SKI: variants seen among roughly 807,000 people sequenced by gnomAD.
The protein encoded by SKI is SKI proto-oncogene.
SKI carries 23 observed loss-of-function variants against 59.3 expected under a neutral mutation model. That is an observed-to-expected ratio of 0.39 (90% CI 0.28 to 0.55). The LOEUF is 0.55. SKI is among the 20% of genes least tolerant of loss of function. The probability of loss-of-function intolerance (pLI) is 0.67; values close to 1 mark genes in which losing one functional copy is unlikely to be tolerated. For synonymous variants in SKI, 673 were observed against 488.6 expected, an observed-to-expected ratio of 1.38 and a Z score of -4.98; for missense variants, 1,017 against 1,038.9, an observed-to-expected ratio of 0.98 and a Z score of 0.29.
At chr1:2,236,355 T>C (rs541142379) in intron 1 of SKI, among the ~76,000 whole-genome samples, 60 of 152,328 alleles carry the variant, frequency 3.9e-4, no homozygotes, top group Middle Eastern at 3.4e-3. Flanking sequence ...CAAGGTTTAT[T>C]GGCAGGTCCA....
At position 2,308,158 on chromosome 1, in the gene SKI, A is replaced by G. The variant is rs1487220517; in HGVS notation, c.*1393A>G. 1 of 152,254 alleles carries G rather than the reference A, an allele frequency of 6.6e-6. No homozygotes were observed. The highest frequency in any genetic ancestry group is 2.4e-5 in the African/African-American group (1 of 41,464). The allele number at this position is 152,254 out of a possible 1,614,324, so 9.4% of individuals were successfully genotyped here. ...TCCTACAGTTACGGTATTTATTTAC[A>G]TAAGAAGATCTTACAGGAGTTCTTT... On this transcript the variant is annotated 3_prime_UTR_variant, in exon 7 of 7. Transcript: ENST00000378536.
chr1:2,243,215 G>A (rs1638918067), intron 1 of SKI, among the ~76,000 whole-genome samples: 1 of 152,258 alleles, frequency 6.6e-6, no homozygotes, highest in South Asian at 2.1e-4. Context: ...TTTTGGTATC[G>A]CAAGAGATGC....
chr1:2,293,210 C>T (rs1014421132), intron 1 of SKI, among the ~76,000 whole-genome samples: 2 of 152,196 alleles, frequency 1.3e-5, no homozygotes, highest in African/African-American at 4.8e-5. Flanking sequence ...CTGGCCACCA[C>T]AGGGCTTTTG....
chr1:2,262,495 G>GT (rs1639410070), intron 1 of SKI, among the ~76,000 whole-genome samples: 1 of 150,036 alleles, frequency 6.7e-6, no homozygotes, highest in Admixed American at 6.6e-5. Flanking sequence ...TGGAGTCAGA[G>GT]TTTGGGTGGG....
At chr1:2,232,963 G>A (rs1484753465) in intron 1 of SKI, among the ~76,000 whole-genome samples, 3 of 151,876 alleles carry the variant, frequency 2.0e-5, no homozygotes, top group Admixed American at 1.3e-4. Context: ...CTCCTTCCTC[G>A]GGTTCTCTGA....
rs775800782 is a variant in SKI at position 2,304,373 on chromosome 1, C to T, written c.1555C>T (p.Arg519Cys). The T allele has an allele frequency of 2.3e-5, 36 of 1,551,886 alleles. No homozygotes were observed. In the South Asian group the frequency reaches 3.0e-4, roughly 13 times the overall value. ...CAAGGACCTGGGCTCCCCGGGTGCG[C>T]GTGCCCTGCCCTCGGCCGTCCCTGA... ...SAKDLGSPGA[R>C]ALPSAVPDAA... Residue 519 changes from arginine (R) to cysteine (C), a missense_variant, in exon 5 of 7, where the codon CGT becomes TGT. Coordinates refer to ENST00000378536, the MANE Select transcript of SKI (RefSeq NM_003036.4).
chr1:2,287,268 A>T (rs911714785), intron 1 of SKI, among the ~76,000 whole-genome samples: 1 of 151,834 alleles, frequency 6.6e-6, no homozygotes, highest in Non-Finnish European at 1.5e-5. Context: ...GTTTCTTTAG[A>T]TTTTAAAGAT....
At chr1:2,273,872 T>C (rs116737062) in intron 1 of SKI, among the ~76,000 whole-genome samples, 1,932 of 152,014 alleles carry the variant, frequency 0.013, 47 homozygotes, top group African/African-American at 0.045. Context: ...TGCTCTTGGG[T>C]GGTTGTGGTG....
At chr1:2,286,888 T>C (rs1248752539) in intron 1 of SKI, among the ~76,000 whole-genome samples, 2 of 152,268 alleles carry the variant, frequency 1.3e-5, no homozygotes, top group African/African-American at 2.4e-5. Context: ...TCATGCATGC[T>C]CTGTGGTCAC....
intron 1 of SKI, among the ~76,000 whole-genome samples, chr1:2,291,800 T>G (rs1366346491): frequency 6.7e-6 from 1 of 149,834 alleles, no homozygotes; most frequent in East Asian, 1.9e-4. Context: ...AAGATTTGGC[T>G]TTTTGTCATC....
intron 1 of SKI, among the ~76,000 whole-genome samples, chr1:2,251,243 C>T (rs1433936608): frequency 6.6e-6 from 1 of 152,172 alleles, no homozygotes; most frequent in Non-Finnish European, 1.5e-5. Flanking sequence ...CCAAGTTGAC[C>T]TTCTGTTGGC....
chr1:2,276,637 A>G (rs527927414), intron 1 of SKI, among the ~76,000 whole-genome samples: 2 of 152,352 alleles, frequency 1.3e-5, no homozygotes, highest in Admixed American at 6.5e-5. Context: ...GGCAGGGCTC[A>G]CTGTGTGGGG....
Position 2,309,963 on chromosome 1 carries a change from C to T in SKI, c.*3198C>T, listed in dbSNP as rs1216731655. ...TTTTTTTTTTCAATTAAGGAAAAAGCTCCATCTCTACCTTTAACATCACCC... is the reference window on the plus strand; with the variant it reads ...TTTTTTTTTTCAATTAAGGAAAAAGTTCCATCTCTACCTTTAACATCACCC... On this transcript the variant is annotated 3_prime_UTR_variant, in exon 7 of 7. Transcript: ENST00000378536. 1 of 138,950 alleles carries T rather than the reference C, an allele frequency of 7.2e-6. No individual in the cohort carries two copies. Among genetic ancestry groups the T allele is most frequent in the African/African-American group, 2.7e-5 (1 of 36,502 alleles). 8.6% of individuals were successfully genotyped at this position (138,950 alleles called of 1,614,324 possible). A position where few individuals can be genotyped will look rare whatever the true frequency, so the allele number is the denominator to read the frequency against.
chr1:2,290,345 T>A (rs1160937238), intron 1 of SKI, among the ~76,000 whole-genome samples: 1 of 152,074 alleles, frequency 6.6e-6, no homozygotes, highest in Non-Finnish European at 1.5e-5. Flanking sequence ...GTGAGCTGAT[T>A]GGGGGTAGGC....
chr1:2,260,516 T>G (rs1183428240), intron 1 of SKI, among the ~76,000 whole-genome samples: 1 of 150,458 alleles, frequency 6.6e-6, no homozygotes, highest in Admixed American at 6.7e-5. Context: ...GGGATCCAAT[T>G]TTTCAGTTTG....
rs1365612333 is a variant in SKI, at chr1:2,309,922, A to T, written c.*3157A>T. On this transcript the variant is annotated 3_prime_UTR_variant, in exon 7 of 7. Transcript: ENST00000378536. ...GAGATGTTCGTTCTCGCTTTAAGTCAGGAGTCACAAATGACTTTTTTTTTT... is the reference window on the plus strand; with the variant it reads ...GAGATGTTCGTTCTCGCTTTAAGTCTGGAGTCACAAATGACTTTTTTTTTT... The T allele has an allele frequency of 4.1e-5, 2 of 49,060 alleles. No homozygotes were observed. Among genetic ancestry groups the T allele is most frequent in the African/African-American group, 1.6e-4 (2 of 12,436 alleles). 3.0% of individuals were successfully genotyped at this position (49,060 alleles called of 1,614,324 possible).
chr1:2,299,379 T>A (rs1640368193), intron 1 of SKI, among the ~76,000 whole-genome samples: 1 of 152,140 alleles, frequency 6.6e-6, no homozygotes, highest in African/African-American at 2.4e-5. Context: ...GGGCTCTCGG[T>A]GCCCTGGGAG....
Position 2,306,746 on chromosome 1 carries a change from C to T in SKI, c.2168C>T (p.Ala723Val), listed in dbSNP as rs1264586139. The T allele has an allele frequency of 3.3e-6, 5 of 1,525,296 alleles. No individual in the cohort carries two copies. Among genetic ancestry groups the T allele is most frequent in the Admixed American group, 4.0e-5 (2 of 49,442 alleles). 94.5% of individuals were successfully genotyped at this position (1,525,296 alleles called of 1,614,324 possible). The change falls in exon 7 of 7, where the codon GCT becomes GTT. Residue 723 changes from alanine to valine, a missense_variant. Coordinates refer to ENST00000378536, the MANE Select transcript of SKI (RefSeq NM_003036.4). The part of the protein sequence containing the change: ...ARPEAAGSEG[A>V]AELEP Reference sequence around the variant, plus strand: ...CCCGAGGCTGCGGGCAGCGAGGGCGCTGCGGAGCTGGAGCCGTAGATTCCG... The same window carrying T: ...CCCGAGGCTGCGGGCAGCGAGGGCGTTGCGGAGCTGGAGCCGTAGATTCCG...
chr1:2,306,523 C>T (rs1371845849), intron 6 of SKI, 54 bp from the exon 7 acceptor site: 7 of 1,507,478 alleles, frequency 4.6e-6, no homozygotes, highest in East Asian at 2.5e-5. Flanking sequence ...GAAGCAGCGT[C>T]GGGCCGGGGC....
Sources: gnomAD v4.1 joint callset for allele counts (sites outside exome capture counted in the v4.1 genomes callset) on GRCh38, gnomAD v4.1.1 for gene constraint, MANE v1.5 for transcripts, NCBI Gene and HGNC (gene_info 2026-07-23, HGNC 2026-07-21) for gene names.